ATP9B: variants seen among roughly 807,000 people sequenced by gnomAD.
ATP9B encodes ATPase phospholipid transporting 9B.
A neutral mutation model predicts 146.1 loss-of-function variants in ATP9B; 110 were observed. That is an observed-to-expected ratio of 0.75 (90% CI 0.65 to 0.88). The LOEUF (loss-of-function observed/expected upper bound fraction) is 0.88. ATP9B is among the 40% of genes least tolerant of loss of function. The pLI, the probability that ATP9B is intolerant of heterozygous loss-of-function variation, is 0.00. For synonymous variants in ATP9B, 604 were observed against 569.7 expected, an observed-to-expected ratio of 1.06 and a Z score of -0.86; for missense variants, 1,499 against 1,496.4, an observed-to-expected ratio of 1.00 and a Z score of -0.03.
chr18:79,349,444 T>G (rs2096910075), intron 25 of ATP9B, among the ~76,000 whole-genome samples: 1 of 152,188 alleles, frequency 6.6e-6, no homozygotes, highest in African/African-American at 2.4e-5. Flanking sequence ...ACCTGAGTTG[T>G]CAGGGGCTGG....
intron 7 of ATP9B, among the ~76,000 whole-genome samples, chr18:79,167,550 A>C (rs1600110649): frequency 6.6e-6 from 1 of 152,076 alleles, no homozygotes; most frequent in South Asian, 2.1e-4. Context: ...TGCAGCCCTC[A>C]GAGTAGAGGG....
At chr18:79,121,091 T>A (rs926041923) in intron 4 of ATP9B, among the ~76,000 whole-genome samples, 2 of 152,218 alleles carry the variant, frequency 1.3e-5, no homozygotes, top group African/African-American at 4.8e-5. Flanking sequence ...TTGTGATATT[T>A]AAAAGGGGTA....
chr18:79,201,494 C>G (rs371187670), intron 9 of ATP9B, among the ~76,000 whole-genome samples: 1 of 152,104 alleles, frequency 6.6e-6, no homozygotes, highest in African/African-American at 2.4e-5. Context: ...TGCTTGTAAC[C>G]CTAGCACTTT....
chr18:79,305,814 G>C (rs964653880), intron 14 of ATP9B, among the ~76,000 whole-genome samples: 1 of 152,144 alleles, frequency 6.6e-6, no homozygotes. Context: ...ATTCTCTATC[G>C]GTATTCTGTT....
chr18:79,287,870 A>C lies in ATP9B; in HGVS notation c.1411+10674A>C, dbSNP rs1404107559. ...TCTTTATTTCTGCCTTCATTTCGTT[A>C]TGTACCCAGTAGTCATTCAGGAGCA... is the stretch of plus-strand genomic sequence containing the variant. On this transcript the variant is annotated intron_variant, in intron 13 of 29. Transcript: ENST00000426216. Among the ~76,000 whole-genome samples, 7 of 149,084 alleles carry C rather than the reference A, an allele frequency of 4.7e-5. No individual in the cohort carries two copies. The South Asian group carries it at 1.3e-3, about 27-fold the overall frequency.
At chr18:79,355,257 A>G (rs1277905572) in intron 25 of ATP9B, among the ~76,000 whole-genome samples, 3 of 152,254 alleles carry the variant, frequency 2.0e-5, no homozygotes, top group Non-Finnish European at 2.9e-5. Flanking sequence ...ACCAAGAACC[A>G]GGAAGATTTC....
At chr18:79,327,574 CGTGCTCTCCGTGGTT>C (rs2096759022) in intron 15 of ATP9B, among the ~76,000 whole-genome samples, 1 of 122,096 alleles carries the variant, frequency 8.2e-6, no homozygotes, top group African/African-American at 3.5e-5. Flanking sequence ...CCGTGGTTAG[CGTGCTCTCCGTGGTT>C]AACGTGCCCT....
intron 29 of ATP9B, chr18:79,376,276 C>CTGG (rs1313571961): frequency 3.0e-6 from 3 of 984,940 alleles, no homozygotes; most frequent in Non-Finnish European, 3.6e-6. Context: ...GTTAGGTGAG[C>CTGG]TGGTGTCTCT....
intron 11 of ATP9B, among the ~76,000 whole-genome samples, chr18:79,232,406 A>G (rs770217379): frequency 4.6e-5 from 7 of 152,202 alleles, no homozygotes; most frequent in Admixed American, 2.6e-4. Context: ...GCCCAAAGTC[A>G]GGGGCATAGG....
At chr18:79,333,834 T>A (rs1218197863) in intron 17 of ATP9B, among the ~76,000 whole-genome samples, 1 of 152,224 alleles carries the variant, frequency 6.6e-6, no homozygotes. Context: ...GAAGATGTGA[T>A]TACCACTGAT....
At chr18:79,171,412 C>T (rs1225990962) in intron 7 of ATP9B, among the ~76,000 whole-genome samples, 3 of 152,234 alleles carry the variant, frequency 2.0e-5, no homozygotes, top group South Asian at 2.1e-4. Flanking sequence ...GTTCTATTAG[C>T]AACCTAAATT....
intron 11 of ATP9B, among the ~76,000 whole-genome samples, chr18:79,246,820 G>A (rs1290985699): frequency 6.6e-6 from 1 of 152,206 alleles, no homozygotes; most frequent in African/African-American, 2.4e-5. Flanking sequence ...GCACCGCAGC[G>A]GTGATCGGCA....
chr18:79,087,033 A>C (rs551625748), intron 1 of ATP9B, among the ~76,000 whole-genome samples: 1 of 152,300 alleles, frequency 6.6e-6, no homozygotes, highest in African/African-American at 2.4e-5. Flanking sequence ...ACAGAAATTT[A>C]TTTCTCACAC....
chr18:79,109,564 C>CTTTTT (rs34940699), intron 2 of ATP9B, among the ~76,000 whole-genome samples: 3 of 129,872 alleles, frequency 2.3e-5, no homozygotes, highest in Non-Finnish European at 1.7e-5. Context: ...ATTGAGCTGT[C>CTTTTT]TTTTTTTTTT....
chr18:79,166,355 GA>G (rs1330725954), intron 7 of ATP9B, among the ~76,000 whole-genome samples: 1 of 152,152 alleles, frequency 6.6e-6, no homozygotes, highest in Non-Finnish European at 1.5e-5. Flanking sequence ...GAGCAAATGT[GA>G]AAGGACTCCC....
At chr18:79,124,286 G>A (rs1371510520) in intron 4 of ATP9B, among the ~76,000 whole-genome samples, 1 of 152,146 alleles carries the variant, frequency 6.6e-6, no homozygotes, top group Non-Finnish European at 1.5e-5. Flanking sequence ...ACTCTGTGAA[G>A]GTACTAAAAA....
At chr18:79,354,581 A>C (rs1256573308) in intron 25 of ATP9B, 1 of 147,524 alleles carries the variant, frequency 6.8e-6, no homozygotes, top group Non-Finnish European at 1.5e-5. Context: ...AAAAAAAAAA[A>C]AAAAAAAAAA....
chr18:79,078,428 A>G (rs901581595), intron 1 of ATP9B, among the ~76,000 whole-genome samples: 5 of 152,104 alleles, frequency 3.3e-5, no homozygotes, highest in Admixed American at 2.0e-4. Flanking sequence ...TCTTCTCTCC[A>G]CATTTTGATG....
intron 11 of ATP9B, among the ~76,000 whole-genome samples, chr18:79,232,235 G>C (rs185256901): frequency 6.6e-6 from 1 of 152,272 alleles, no homozygotes; most frequent in Non-Finnish European, 1.5e-5. Flanking sequence ...CTTGTGAAGG[G>C]TAGAGTGCAG....
Sources: allele counts gnomAD v4.1 joint callset (sites outside exome capture counted in the v4.1 genomes callset), GRCh38; gene constraint gnomAD v4.1.1; transcripts MANE v1.5; gene names NCBI Gene and HGNC (gene_info 2026-07-23, HGNC 2026-07-21).